The following GMDS variants were observed in gnomAD, a reference collection of about 807,000 sequenced individuals.
GMDS encodes GDP-mannose 4,6-dehydratase.
A neutral mutation model predicts 49.9 loss-of-function variants in GMDS; 20 were observed. The ratio of observed to expected loss-of-function variants is 0.40; its 90% confidence interval spans 0.28 to 0.58. GMDS has a LOEUF of 0.58. Ranked by LOEUF, GMDS falls within the 20% of genes least tolerant of loss-of-function variation. The probability of loss-of-function intolerance (pLI) is 0.42; values close to 1 mark genes in which losing one functional copy is unlikely to be tolerated. For synonymous variants in GMDS, 177 were observed against 178.6 expected, an observed-to-expected ratio of 0.99 and a Z score of 0.07; for missense variants, 362 against 481.4, an observed-to-expected ratio of 0.75 and a Z score of 2.32.
At chr6:2,001,389 C>T (rs1191076771) in intron 4 of GMDS, among the ~76,000 whole-genome samples, 1 of 152,122 alleles carries the variant, frequency 6.6e-6, no homozygotes. Context: ...AAATCTCTAT[C>T]CCTTATCAGA....
chr6:2,202,739 T>A (rs1779607376), intron 1 of GMDS, among the ~76,000 whole-genome samples: 1 of 152,132 alleles, frequency 6.6e-6, no homozygotes, highest in African/African-American at 2.4e-5. Flanking sequence ...TTTACCTGGA[T>A]AGAATGGGCT....
intron 7 of GMDS, among the ~76,000 whole-genome samples, chr6:1,821,611 GTTTTTTTTTTTT>G (rs3039703): frequency 6.4e-5 from 7 of 109,832 alleles, no homozygotes; most frequent in Admixed American, 1.8e-4. Context: ...CAATTTATTT[GTTTTTTTTTTTT>G]TTTTTTTTTT....
intron 7 of GMDS, among the ~76,000 whole-genome samples, chr6:1,764,156 C>G (rs1186606827): frequency 6.6e-6 from 1 of 152,044 alleles, no homozygotes; most frequent in African/African-American, 2.4e-5. Context: ...GTGCTGGTAA[C>G]TGAGAAGGCC....
At chr6:1,717,949 T>G (rs919381172) in intron 9 of GMDS, among the ~76,000 whole-genome samples, 5 of 152,204 alleles carry the variant, frequency 3.3e-5, no homozygotes, top group African/African-American at 7.2e-5. Context: ...GATGAAGTAA[T>G]CATCTGCCAA....
rs200640867 is a variant in GMDS, at chr6:2,188,278, C to T, written c.102+57043G>A. ...CAATTTAGCTGAAATGCATCAATGG[C>T]CAAAAAATAATTTTAGCTTTCTTAT... On this transcript the variant is annotated intron_variant, in intron 1 of 10. Coordinates refer to ENST00000380815, the MANE Select transcript of GMDS (RefSeq NM_001500.4). Among the ~76,000 whole-genome samples the T allele has an allele frequency of 2.0e-5, 3 of 152,176 alleles. No individual in the cohort carries two copies. In the East Asian group the frequency reaches 5.8e-4, roughly 29 times the overall value.
intron 7 of GMDS, among the ~76,000 whole-genome samples, chr6:1,851,675 T>C (rs1441243570): frequency 1.3e-5 from 2 of 152,170 alleles, no homozygotes; most frequent in Admixed American, 1.3e-4. Flanking sequence ...TGGGGAGCTT[T>C]CCCTCACTCT....
At chr6:1,774,076 T>C (rs1181759551) in intron 7 of GMDS, among the ~76,000 whole-genome samples, 4 of 152,232 alleles carry the variant, frequency 2.6e-5, no homozygotes, top group Non-Finnish European at 5.9e-5. Flanking sequence ...TGATGACCAT[T>C]GTTGCTCCTT....
chr6:1,665,246 C>G (rs1025179659), intron 9 of GMDS, among the ~76,000 whole-genome samples: 1 of 152,216 alleles, frequency 6.6e-6, no homozygotes, highest in Non-Finnish European at 1.5e-5. Context: ...TATCTCTCCC[C>G]CCTCCTGGCT....
intron 7 of GMDS, among the ~76,000 whole-genome samples, chr6:1,758,125 C>T (rs931415335): frequency 2.0e-5 from 3 of 152,206 alleles, no homozygotes; most frequent in African/African-American, 7.2e-5. Context: ...GAGAAGGAAC[C>T]TTGCTATGTG....
intron 4 of GMDS, among the ~76,000 whole-genome samples, chr6:2,048,749 C>A (rs893650586): frequency 2.0e-5 from 3 of 152,084 alleles, no homozygotes; most frequent in African/African-American, 4.8e-5. Flanking sequence ...TTTACTGCTT[C>A]TAATTGATAT....
chr6:2,126,780 C>T (rs993969531), intron 1 of GMDS, among the ~76,000 whole-genome samples: 1 of 152,104 alleles, frequency 6.6e-6, no homozygotes, highest in Non-Finnish European at 1.5e-5. Flanking sequence ...ATTACAGGTG[C>T]GTGCCACCAC....
chr6:2,037,802 C>A (rs1769392642), intron 4 of GMDS, among the ~76,000 whole-genome samples: 1 of 151,962 alleles, frequency 6.6e-6, no homozygotes. Flanking sequence ...GTGTTGGCAA[C>A]CTGCACATGG....
intron 7 of GMDS, among the ~76,000 whole-genome samples, chr6:1,876,223 A>C (rs1363763254): frequency 6.6e-6 from 1 of 151,110 alleles, no homozygotes; most frequent in Non-Finnish European, 1.5e-5. Context: ...GCACCACTGC[A>C]CTCCAACCTG....
At chr6:1,891,113 T>C (rs1759847794) in intron 7 of GMDS, among the ~76,000 whole-genome samples, 1 of 152,254 alleles carries the variant, frequency 6.6e-6, no homozygotes, top group Non-Finnish European at 1.5e-5. Context: ...GTCTGATACA[T>C]AAAGCCATCT....
chr6:1,815,507 G>A (rs991877262), intron 7 of GMDS, among the ~76,000 whole-genome samples: 6 of 152,138 alleles, frequency 3.9e-5, no homozygotes, highest in Admixed American at 3.3e-4. Flanking sequence ...GGAATTAAAA[G>A]GGGACCTTCC....
At chr6:1,810,030 T>TA (rs11405014) in intron 7 of GMDS, among the ~76,000 whole-genome samples, 65,100 of 152,050 alleles carry the variant, frequency 0.43, 14,059 homozygotes, top group Middle Eastern at 0.49. Flanking sequence ...TTCCTTCGGT[T>TA]ACGCAGCTCA....
intron 7 of GMDS, among the ~76,000 whole-genome samples, chr6:1,758,445 C>G (rs1009780056): frequency 6.6e-6 from 1 of 151,066 alleles, no homozygotes; most frequent in African/African-American, 2.5e-5. Context: ...ATTGGAATAC[C>G]TGGGAGTAAA....
intron 4 of GMDS, among the ~76,000 whole-genome samples, chr6:2,113,389 A>T (rs753505191): frequency 1.3e-5 from 2 of 151,824 alleles, no homozygotes; most frequent in Non-Finnish European, 2.9e-5. Context: ...ATCACTGAAT[A>T]TATCTTCCCC....
intron 4 of GMDS, among the ~76,000 whole-genome samples, chr6:2,064,072 G>A (rs1001255837): frequency 6.6e-6 from 1 of 152,058 alleles, no homozygotes; most frequent in Non-Finnish European, 1.5e-5. Flanking sequence ...CAGACCATGT[G>A]GAAAAGAGAT....
Sources: gnomAD v4.1 joint callset for allele counts (sites outside exome capture counted in the v4.1 genomes callset) on GRCh38, gnomAD v4.1.1 for gene constraint, MANE v1.5 for transcripts, NCBI Gene and HGNC (gene_info 2026-07-23, HGNC 2026-07-21) for gene names.